Variants in DLC1 observed in about 807,000 individuals in gnomAD.
DLC1 encodes the protein DLC1 Rho GTPase activating protein.
DLC1 carries 54 observed loss-of-function variants against 140.3 expected under a neutral mutation model. That is an observed-to-expected ratio of 0.38 (90% CI 0.31 to 0.48). The LOEUF is 0.48. Ranked by LOEUF, DLC1 falls within the 20% of genes least tolerant of loss-of-function variation. DLC1 has a pLI of 0.96. For missense variants in DLC1, 2,536 were observed against 1,907.0 expected (o/e 1.33, Z -6.14); for synonymous variants, 986 against 728.1 (o/e 1.35, Z -5.70).
intron 5 of DLC1, among the ~76,000 whole-genome samples, chr8:13,299,230 G>A (rs1049471866): frequency 3.3e-5 from 5 of 151,890 alleles, no homozygotes; most frequent in Admixed American, 3.3e-4. Context: ...ATCCCTTGAG[G>A]CCAGGTGTTC....
At chr8:13,204,640 G>T (rs1162261464) in intron 5 of DLC1, among the ~76,000 whole-genome samples, 1 of 152,066 alleles carries the variant, frequency 6.6e-6, no homozygotes, top group East Asian at 1.9e-4. Context: ...TTCATTATGA[G>T]TAAGATACTT....
intron 4 of DLC1, among the ~76,000 whole-genome samples, chr8:13,311,183 T>C (rs1432842793): frequency 6.6e-6 from 1 of 152,200 alleles, no homozygotes; most frequent in Non-Finnish European, 1.5e-5. Context: ...CTCTGTCATT[T>C]TGCCTATGAG....
At position 13,171,586 on chromosome 8, in the gene DLC1, A is replaced by G. The variant is rs915218196; in HGVS notation, c.1349-55929T>C. On this transcript the variant is annotated intron_variant, in intron 5 of 17. Coordinates refer to ENST00000276297, the MANE Select transcript of DLC1 (RefSeq NM_182643.3). Reference sequence around the variant, plus strand: ...TTTATTTTCTTTTTTGTAGAGAAACAAGGGTTGTCCAGGCTGGTCTCAAAC... The same window carrying G: ...TTTATTTTCTTTTTTGTAGAGAAACGAGGGTTGTCCAGGCTGGTCTCAAAC... 5.7e-4 allele frequency among the ~76,000 whole-genome samples: 86 copies of G among 151,932 alleles called. 1 individual carries two copies. The highest frequency in any genetic ancestry group is 1.6e-4 in the Non-Finnish European group (11 of 67,972).
At chr8:13,489,428 C>CAA (rs1229996850) in intron 2 of DLC1, among the ~76,000 whole-genome samples, 4 of 148,408 alleles carry the variant, frequency 2.7e-5, no homozygotes, top group African/African-American at 1.0e-4. Context: ...CACACACACA[C>CAA]ACACACACAC....
intron 1 of DLC1, among the ~76,000 whole-genome samples, chr8:13,514,382 A>G (rs1356137699): frequency 6.6e-6 from 1 of 152,230 alleles, no homozygotes; most frequent in Admixed American, 6.5e-5. Context: ...ATGGAGGAAA[A>G]GAGTTAAATC....
intron 2 of DLC1, among the ~76,000 whole-genome samples, chr8:13,409,856 A>T (rs559893460): frequency 6.6e-6 from 1 of 152,270 alleles, no homozygotes; most frequent in South Asian, 2.1e-4. Flanking sequence ...GCTAAGGTTC[A>T]TGTAGAATTT....
chr8:13,267,375 G>T (rs2117361904), intron 5 of DLC1, among the ~76,000 whole-genome samples: 1 of 150,818 alleles, frequency 6.6e-6, no homozygotes, highest in East Asian at 2.0e-4. Flanking sequence ...ACACTGTCTA[G>T]ACCTCTAGGA....
chr8:13,400,262 A>G (rs867185731), intron 3 of DLC1, among the ~76,000 whole-genome samples: 3 of 152,104 alleles, frequency 2.0e-5, no homozygotes, highest in South Asian at 4.2e-4. Flanking sequence ...CCATCACTAA[A>G]TATGTACTCT....
chr8:13,096,494 G>T (rs1818509153), intron 10 of DLC1, among the ~76,000 whole-genome samples: 1 of 152,008 alleles, frequency 6.6e-6, no homozygotes, highest in African/African-American at 2.4e-5. Context: ...TAAGTGTGTG[G>T]TATCATGGCT....
chr8:13,197,595 C>G (rs1048034694), intron 5 of DLC1, among the ~76,000 whole-genome samples: 2 of 152,028 alleles, frequency 1.3e-5, no homozygotes, highest in African/African-American at 4.8e-5. Flanking sequence ...ATCCTCCTGC[C>G]TCGGCGTCCC....
chr8:13,322,819 C>G (rs1833179442), intron 4 of DLC1, among the ~76,000 whole-genome samples: 1 of 149,346 alleles, frequency 6.7e-6, no homozygotes, highest in African/African-American at 2.5e-5. Flanking sequence ...TAACACTCCC[C>G]CTTTTAAAAA....
chr8:13,096,709 GAAGTTA>G (rs138508328), intron 10 of DLC1, among the ~76,000 whole-genome samples: 6,281 of 152,222 alleles, frequency 0.041, 151 homozygotes, highest in Middle Eastern at 0.071. Context: ...CTTTGATGCT[GAAGTTA>G]AATCTGCTAT....
chr8:13,422,087 T>C (rs2117350138), intron 2 of DLC1, among the ~76,000 whole-genome samples: 2 of 152,308 alleles, frequency 1.3e-5, no homozygotes, highest in Middle Eastern at 6.8e-3. Flanking sequence ...CTGATAAATC[T>C]TTTGAGTCAG....
chr8:13,241,191 A>G lies in DLC1; in HGVS notation c.1348+64078T>C, dbSNP rs537347152. Among the ~76,000 whole-genome samples, 4 of 152,352 alleles carry G rather than the reference A, an allele frequency of 2.6e-5. No individual in the cohort carries two copies. In the South Asian group the frequency reaches 6.2e-4, roughly 24 times the overall value. On this transcript the variant is annotated intron_variant, in intron 5 of 17. Transcript: ENST00000276297. Reference sequence around the variant, plus strand: ...CAAACTGTGGCTTCATAACATCCCTATATGTACACTTTGATCTTCTACTCA... The same window carrying G: ...CAAACTGTGGCTTCATAACATCCCTGTATGTACACTTTGATCTTCTACTCA...
chr8:13,584,845 C>A (rs893746373), intron 1 of DLC1, among the ~76,000 whole-genome samples: 2 of 152,164 alleles, frequency 1.3e-5, no homozygotes, highest in African/African-American at 4.8e-5. Context: ...TTTCTTTCTC[C>A]CGCAATAGGT....
intron 2 of DLC1, among the ~76,000 whole-genome samples, chr8:13,480,630 A>T (rs1800686027): frequency 1.3e-5 from 2 of 152,194 alleles, no homozygotes; most frequent in African/African-American, 2.4e-5. Context: ...TCATACAACC[A>T]ACAAAAATTA....
intron 1 of DLC1, among the ~76,000 whole-genome samples, chr8:13,589,354 A>C (rs1805437990): frequency 6.6e-6 from 1 of 152,142 alleles, no homozygotes; most frequent in South Asian, 2.1e-4. Flanking sequence ...AGGAACATTC[A>C]CTGTTACAAC....
At chr8:13,395,093 A>T (rs185090263) in intron 3 of DLC1, among the ~76,000 whole-genome samples, 2 of 148,694 alleles carry the variant, frequency 1.3e-5, no homozygotes, top group Non-Finnish European at 3.0e-5. Flanking sequence ...CTACCTTCCT[A>T]TCCATCTATG....
intron 4 of DLC1, among the ~76,000 whole-genome samples, chr8:13,334,164 G>A (rs1219641516): frequency 6.6e-6 from 1 of 152,150 alleles, no homozygotes; most frequent in Non-Finnish European, 1.5e-5. Flanking sequence ...TGACATTTGA[G>A]TTGCACCATG....
Sources: gnomAD v4.1 joint callset for allele counts (sites outside exome capture counted in the v4.1 genomes callset) on GRCh38, gnomAD v4.1.1 for gene constraint, MANE v1.5 for transcripts, NCBI Gene and HGNC (gene_info 2026-07-23, HGNC 2026-07-21) for gene names.